AGBL1: variants seen among roughly 807,000 people sequenced by gnomAD.
The protein encoded by AGBL1 is cytosolic carboxypeptidase 4.
Under a neutral mutation model 118.9 loss-of-function variants are expected in AGBL1, and 130 were observed. That is an observed-to-expected ratio of 1.09 (90% CI 0.95 to 1.26). AGBL1 has a LOEUF of 1.26. Among genes scored for constraint, AGBL1 ranks in the 50% most tolerant of loss-of-function variants. The pLI, the probability that AGBL1 is intolerant of heterozygous loss-of-function variation, is 0.00. For synonymous variants in AGBL1, 555 were observed against 478.9 expected (o/e 1.16, Z -2.08); for missense variants, 1,584 against 1,298.1 (o/e 1.22, Z -3.38).
rs912582108 is a variant in AGBL1 at position 86,766,240 on chromosome 15, C to A, written c.3158+91804C>A. 2.6e-5 allele frequency among the ~76,000 whole-genome samples: 4 copies of A among 151,910 alleles called. No individual in the cohort carries two copies. The East Asian group carries it at 7.8e-4, about 29-fold the overall frequency. On this transcript the variant is annotated intron_variant, in intron 22 of 22. Transcript: ENST00000614907. ...AAGTGGTGCAGCTCCAGAGTTCATA[C>A]TCTGTCTCCCAGGGTGTACCGCCTC...
At chr15:86,219,980 T>C (rs1446753639) in intron 5 of AGBL1, among the ~76,000 whole-genome samples, 3 of 136,804 alleles carry the variant, frequency 2.2e-5, no homozygotes, top group Non-Finnish European at 4.7e-5. Flanking sequence ...TAGATGGAGT[T>C]TCACTCTGTT....
At chr15:86,106,410 C>T (rs1897054047) in intron 1 of AGBL1, among the ~76,000 whole-genome samples, 1 of 152,230 alleles carries the variant, frequency 6.6e-6, no homozygotes, top group Admixed American at 6.5e-5. Context: ...ACCTTGAGTC[C>T]TAATGAGATA....
At chr15:86,735,420 TAAA>T (rs541135393) in intron 22 of AGBL1, among the ~76,000 whole-genome samples, 2 of 151,844 alleles carry the variant, frequency 1.3e-5, no homozygotes, top group Non-Finnish European at 2.9e-5. Context: ...ACACACAACT[TAAA>T]AACACACACA....
chr15:86,881,997 A>G (rs1211944237), intron 22 of AGBL1, among the ~76,000 whole-genome samples: 1 of 152,186 alleles, frequency 6.6e-6, no homozygotes, highest in East Asian at 1.9e-4. Context: ...ATAACTGAAC[A>G]TGAGATTTGG....
intron 22 of AGBL1, among the ~76,000 whole-genome samples, chr15:86,838,304 T>C (rs1042024831): frequency 2.8e-4 from 43 of 152,218 alleles, no homozygotes; most frequent in African/African-American, 1.0e-3. Context: ...GTGTGTTATA[T>C]ACCAAGCTTC....
At chr15:86,808,497 C>T (rs762060797) in intron 22 of AGBL1, among the ~76,000 whole-genome samples, 4 of 152,180 alleles carry the variant, frequency 2.6e-5, no homozygotes, top group Non-Finnish European at 5.9e-5. Flanking sequence ...ACCTCTTCCA[C>T]ATCTGCTAAG....
At chr15:86,802,303 T>C (rs1172669853) in intron 22 of AGBL1, among the ~76,000 whole-genome samples, 1 of 152,066 alleles carries the variant, frequency 6.6e-6, no homozygotes, top group Non-Finnish European at 1.5e-5. Flanking sequence ...TTTTCAGTAA[T>C]TGCATTGTAG....
intron 18 of AGBL1, among the ~76,000 whole-genome samples, chr15:86,404,678 A>C (rs2081497709): frequency 6.6e-6 from 1 of 152,198 alleles, no homozygotes; most frequent in African/African-American, 2.4e-5. Context: ...TTGACTGGGG[A>C]AAGTTTCAGT....
At chr15:86,987,318 T>C (rs540164638) in intron 23 of AGBL1, among the ~76,000 whole-genome samples, 8 of 152,304 alleles carry the variant, frequency 5.3e-5, no homozygotes, top group African/African-American at 1.9e-4. Context: ...TGCTAGTACA[T>C]AAAAAGACAG....
chr15:86,770,600 T>A (rs944192066), intron 22 of AGBL1, among the ~76,000 whole-genome samples: 2 of 151,936 alleles, frequency 1.3e-5, no homozygotes, highest in Non-Finnish European at 2.9e-5. Flanking sequence ...CACCGAAGGA[T>A]GGCAGAGTTG....
intron 22 of AGBL1, among the ~76,000 whole-genome samples, chr15:86,870,910 C>A (rs1386716372): frequency 6.6e-6 from 1 of 152,186 alleles, no homozygotes; most frequent in Non-Finnish European, 1.5e-5. Flanking sequence ...AAAATTTTAG[C>A]TCAAGGGAAT....
chr15:86,684,378 A>C (rs1218279476), intron 22 of AGBL1, among the ~76,000 whole-genome samples: 1 of 152,196 alleles, frequency 6.6e-6, no homozygotes, highest in Non-Finnish European at 1.5e-5. Flanking sequence ...TACTGTACCC[A>C]AGATGAAATA....
rs1381640650 is a variant in AGBL1 at position 86,770,131 on chromosome 15, TA to T, written c.3158+95698del. On this transcript the variant is annotated intron_variant, in intron 22 of 22. Coordinates refer to ENST00000614907, the MANE Select transcript of AGBL1 (RefSeq NM_001386094.1). ...TCTTCTTTATTTCTTATTTCCTTTATAAATGAAAAACTAAACAAAACTAAAC... is the reference window on the plus strand; with the variant it reads ...TCTTCTTTATTTCTTATTTCCTTTATAATGAAAAACTAAACAAAACTAAAC... Among the ~76,000 whole-genome samples the T allele has an allele frequency of 2.0e-5, 3 of 152,006 alleles. 1 individual carries two copies. Among genetic ancestry groups the T allele is most frequent in the African/African-American group, 7.2e-5 (3 of 41,412 alleles).
chr15:86,657,795 C>T (rs1014284496), intron 21 of AGBL1, among the ~76,000 whole-genome samples: 10 of 151,786 alleles, frequency 6.6e-5, no homozygotes, highest in African/African-American at 1.7e-4. Flanking sequence ...ACAAAATGGG[C>T]TACTGGCCTG....
chr15:86,837,681 G>C (rs1210328083), intron 22 of AGBL1, among the ~76,000 whole-genome samples: 1 of 152,200 alleles, frequency 6.6e-6, no homozygotes, highest in African/African-American at 2.4e-5. Flanking sequence ...AGAAATGAGA[G>C]CATTGACTGG....
Position 86,503,799 on chromosome 15 carries a change from G to T in AGBL1, c.2556-19011G>T, listed in dbSNP as rs1165488545. Reference sequence around the variant, plus strand: ...TTGGTTTTGGTCAAATAATATATTTGTATGATTTAAATCATTTAAATTTAT... The same window carrying T: ...TTGGTTTTGGTCAAATAATATATTTTTATGATTTAAATCATTTAAATTTAT... On this transcript the variant is annotated intron_variant, in intron 18 of 22. Transcript: ENST00000614907. 4.0e-5 allele frequency among the ~76,000 whole-genome samples: 6 copies of T among 151,408 alleles called. No individual in the cohort carries two copies. In the East Asian group the frequency reaches 1.2e-3, roughly 29 times the overall value.
intron 23 of AGBL1, among the ~76,000 whole-genome samples, chr15:86,936,810 A>C (rs946114356): frequency 6.6e-6 from 1 of 152,238 alleles, no homozygotes; most frequent in African/African-American, 2.4e-5. Flanking sequence ...AGTGGGATAT[A>C]ATTCAACTTA....
chr15:86,268,271 C>G (rs1164895424), intron 13 of AGBL1, among the ~76,000 whole-genome samples: 1 of 151,822 alleles, frequency 6.6e-6, no homozygotes, highest in African/African-American at 2.4e-5. Flanking sequence ...AAAACAGAGA[C>G]CAGTTTAATC....
Position 86,738,580 on chromosome 15 carries a change from T to C in AGBL1, c.3158+64144T>C, listed in dbSNP as rs2077634417. Among the ~76,000 whole-genome samples, 3 of 152,174 alleles carry C rather than the reference T, an allele frequency of 2.0e-5. No individual in the cohort carries two copies. The South Asian group carries it at 6.2e-4, about 31-fold the overall frequency. On this transcript the variant is annotated intron_variant, in intron 22 of 22. Transcript: ENST00000614907. ...AGGTCCCATTTTTAACTACATGGGT[T>C]TTTCTGACTCTCTTCATCCGTTACG...
Sources: allele counts gnomAD v4.1 joint callset (sites outside exome capture counted in the v4.1 genomes callset), GRCh38; gene constraint gnomAD v4.1.1; transcripts MANE v1.5; gene names NCBI Gene and HGNC (gene_info 2026-07-23, HGNC 2026-07-21).